The following DRC11 variants were observed in gnomAD, a reference collection of about 807,000 sequenced individuals.
The protein encoded by DRC11 is dynein regulatory complex subunit 11.
the DRC11 span, chr2:236,503,546 C>A: frequency 1.1e-5 from 14 of 1,279,506 alleles, no homozygotes; most frequent in Non-Finnish European, 1.6e-5. This position sits in a 1 kb window ranked among gnomAD's most constrained non-coding sequence, Gnocchi z 4.9. Flanking sequence ...TCTGGGGAAT[C>A]CCTGTCTGGG....
the DRC11 span, chr2:236,465,770 T>A: frequency 9.8e-7 from 1 of 1,019,218 alleles, no homozygotes; most frequent in Non-Finnish European, 1.5e-6. The surrounding 1 kb of genome is among the most constrained non-coding windows in gnomAD (Gnocchi z 6.2). Flanking sequence ...TTGGTAAAAA[T>A]ATCAGAAACT....
chr2:236,457,681 A>C, the DRC11 span, among the ~76,000 whole-genome samples: 1 of 152,272 alleles, frequency 6.6e-6, no homozygotes, highest in South Asian at 2.1e-4. The surrounding 1 kb of genome is among the most constrained non-coding windows in gnomAD (Gnocchi z 4.7). Context: ...TATAAGAGAG[A>C]GGTAGAAGGA....
the DRC11 span, among the ~76,000 whole-genome samples, chr2:236,469,624 T>C: frequency 9.5e-4 from 145 of 152,356 alleles, 1 homozygote; most frequent in African/African-American, 3.4e-3. The surrounding 1 kb of genome is among the most constrained non-coding windows in gnomAD (Gnocchi z 5.8). Flanking sequence ...TTTCTTGATA[T>C]AGACTTTCTC....
the DRC11 span, among the ~76,000 whole-genome samples, chr2:236,456,427 T>C: frequency 6.6e-6 from 1 of 152,102 alleles, no homozygotes; most frequent in South Asian, 2.1e-4. The surrounding 1 kb of genome is among the most constrained non-coding windows in gnomAD (Gnocchi z 5.4). Context: ...TGCAATGCAT[T>C]TGTTGATTAG....
chr2:236,491,051 T>C, the DRC11 span, among the ~76,000 whole-genome samples: 107 of 139,598 alleles, frequency 7.7e-4, no homozygotes, highest in Non-Finnish European at 8.0e-4. Flanking sequence ...ATACAGTATA[T>C]ATATATATAC....
At chr2:236,340,514 G>T in the DRC11 span, among the ~76,000 whole-genome samples, 104 of 152,268 alleles carry the variant, frequency 6.8e-4, no homozygotes, top group African/African-American at 2.5e-3. Flanking sequence ...GGTGAGAAGA[G>T]ACTTGCCTTA....
At chr2:236,419,948 TA>T in the DRC11 span, among the ~76,000 whole-genome samples, 1 of 152,150 alleles carries the variant, frequency 6.6e-6, no homozygotes, top group Non-Finnish European at 1.5e-5. This position sits in a 1 kb window ranked among gnomAD's most constrained non-coding sequence, Gnocchi z 4.8. Flanking sequence ...CCAGGAGATA[TA>T]AAGGTGACAA....
the DRC11 span, among the ~76,000 whole-genome samples, chr2:236,374,663 C>T: frequency 6.6e-6 from 1 of 152,106 alleles, no homozygotes; most frequent in East Asian, 1.9e-4. Context: ...GGAGATGCTA[C>T]ACACTTTTAT....
chr2:236,374,422 G>C, the DRC11 span, among the ~76,000 whole-genome samples: 3 of 152,160 alleles, frequency 2.0e-5, no homozygotes, highest in East Asian at 1.9e-4. Context: ...TTTTCACTTA[G>C]AGTCTGTATG....
chr2:236,372,230 A>T, the DRC11 span, among the ~76,000 whole-genome samples: 1 of 152,184 alleles, frequency 6.6e-6, no homozygotes. The surrounding 1 kb of genome is among the most constrained non-coding windows in gnomAD (Gnocchi z 4.5). Context: ...TTCTGTTTTC[A>T]CTAGTGGTAT....
chr2:236,365,883 T>C, the DRC11 span, among the ~76,000 whole-genome samples: 2 of 152,138 alleles, frequency 1.3e-5, no homozygotes, highest in Non-Finnish European at 2.9e-5. The surrounding 1 kb of genome is among the most constrained non-coding windows in gnomAD (Gnocchi z 7.4). Flanking sequence ...AGACACAGTA[T>C]GGTTCCAGTT....
the DRC11 span, among the ~76,000 whole-genome samples, chr2:236,415,285 A>G: frequency 6.6e-6 from 1 of 152,198 alleles, no homozygotes; most frequent in Admixed American, 6.5e-5. The surrounding 1 kb of genome is among the most constrained non-coding windows in gnomAD (Gnocchi z 5.7). Flanking sequence ...TGAAAGAACA[A>G]TCATGCAGCT....
the DRC11 span, among the ~76,000 whole-genome samples, chr2:236,371,829 C>A: frequency 1.3e-5 from 2 of 152,134 alleles, no homozygotes; most frequent in Non-Finnish European, 2.9e-5. This position sits in a 1 kb window ranked among gnomAD's most constrained non-coding sequence, Gnocchi z 5.1. Flanking sequence ...TGCTTCCTTT[C>A]CCTGAGCATC....
chr2:236,466,083 C>T, the DRC11 span, among the ~76,000 whole-genome samples: 7 of 152,148 alleles, frequency 4.6e-5, no homozygotes, highest in East Asian at 1.4e-3. Flanking sequence ...TTATCTAACA[C>T]ACTTTCTTGT....
chr2:236,397,405 A>G, the DRC11 span, among the ~76,000 whole-genome samples: 4,021 of 152,256 alleles, frequency 0.026, 170 homozygotes, highest in African/African-American at 0.093. The surrounding 1 kb of genome is among the most constrained non-coding windows in gnomAD (Gnocchi z 5.0). Context: ...TCAGATGCCC[A>G]GGGCAGCCAC....
chr2:236,331,327 G>A, the DRC11 span: 8 of 1,478,968 alleles, frequency 5.4e-6, no homozygotes, highest in Admixed American at 1.0e-4. This position sits in a 1 kb window ranked among gnomAD's most constrained non-coding sequence, Gnocchi z 4.8. Flanking sequence ...AGTGTCTGCT[G>A]CTAAGACTTG....
At chr2:236,497,153 G>T in the DRC11 span, 2 of 1,592,426 alleles carry the variant, frequency 1.3e-6, no homozygotes, top group Non-Finnish European at 1.7e-6. The surrounding 1 kb of genome is among the most constrained non-coding windows in gnomAD (Gnocchi z 5.1). Context: ...GAAAACAACA[G>T]AGTGCTTACG....
the DRC11 span, among the ~76,000 whole-genome samples, chr2:236,438,951 C>G: frequency 1.6e-4 from 24 of 149,396 alleles, no homozygotes; most frequent in East Asian, 4.7e-3. Flanking sequence ...AACTGAACAA[C>G]CTGCTCCTGA....
the DRC11 span, among the ~76,000 whole-genome samples, chr2:236,427,390 A>G: frequency 6.6e-6 from 1 of 152,172 alleles, no homozygotes; most frequent in Non-Finnish European, 1.5e-5. This position sits in a 1 kb window ranked among gnomAD's most constrained non-coding sequence, Gnocchi z 5.9. Flanking sequence ...TCACACAAGA[A>G]GCCATTTTAT....
Sources: gnomAD v4.1 joint callset for allele counts (sites outside exome capture counted in the v4.1 genomes callset) on GRCh38, gnomAD v4.1.1 for gene constraint, Gnocchi (gnomAD v3.1) non-coding constraint, MANE v1.5 for transcripts, NCBI Gene and HGNC (gene_info 2026-07-23, HGNC 2026-07-21) for gene names.